SMAD6: variants seen among roughly 807,000 people sequenced by gnomAD.
SMAD6 encodes the protein MAD homolog 6.
In SMAD6, 103 loss-of-function variants were observed where a neutral mutation model predicts 39.4. The observed-to-expected ratio is 2.62, with a 90% confidence interval of 2.23 to 3.08. The LOEUF is 3.08. Among genes scored for constraint, SMAD6 ranks in the 30% most tolerant of loss-of-function variants. The pLI is 0.00. For synonymous variants in SMAD6, 445 were observed against 353.3 expected, an observed-to-expected ratio of 1.26 and a Z score of -2.91; for missense variants, 1,104 against 742.9, an observed-to-expected ratio of 1.49 and a Z score of -5.65.
At chr15:66,721,048 C>G (rs778011312) in intron 3 of SMAD6, among the ~76,000 whole-genome samples, 22 of 152,186 alleles carry the variant, frequency 1.4e-4, no homozygotes, top group Non-Finnish European at 2.8e-4. Context: ...CCTCCACCAA[C>G]CAGACTGTAA....
rs78097996 is a variant in SMAD6 at position 66,777,951 on chromosome 15, T to C, written c.953-3046T>C. On this transcript the variant is annotated intron_variant, in intron 3 of 3. Transcript: ENST00000288840. ...AGTCATAGGGTACCATAAGGTGTGC[T>C]GGGGCTAGGCTGGGGACATGGGTTT... 0.014 allele frequency among the ~76,000 whole-genome samples: 2,173 copies of C among 151,792 alleles called. 111 individuals are homozygous for C. The East Asian group carries it at 0.17, about 12-fold the overall frequency.
chr15:66,772,083 C>T (rs1236742102), intron 3 of SMAD6, among the ~76,000 whole-genome samples: 1 of 152,200 alleles, frequency 6.6e-6, no homozygotes, highest in Non-Finnish European at 1.5e-5. Flanking sequence ...AGAACCCCCA[C>T]GTGGCTTGGA....
At chr15:66,750,113 G>C (rs1567107164) in intron 3 of SMAD6, among the ~76,000 whole-genome samples, 1 of 152,090 alleles carries the variant, frequency 6.6e-6, no homozygotes, top group East Asian at 1.9e-4. Flanking sequence ...GGGGACGCAG[G>C]GGGCCTTCTT....
rs1259063187 is a variant in SMAD6, at chr15:66,702,989, AG to A, written c.-269del. ...AGCGCGGGGGCTGGAGTTGTTGAGCAGCCCCGCCGCTGTGGTCCATGTAGCC... is the reference window on the plus strand; with the variant it reads ...AGCGCGGGGGCTGGAGTTGTTGAGCACCCCGCCGCTGTGGTCCATGTAGCC... On this transcript the variant is annotated 5_prime_UTR_variant, in exon 1 of 4. Coordinates refer to ENST00000288840, the MANE Select transcript of SMAD6 (RefSeq NM_005585.5). The A allele has an allele frequency of 9.3e-6, 3 of 321,552 alleles. No individual in the cohort carries two copies. Among genetic ancestry groups the A allele is most frequent in the Non-Finnish European group, 1.7e-5 (3 of 173,450 alleles). 19.9% of individuals were successfully genotyped at this position (321,552 alleles called of 1,614,324 possible). A position where few individuals can be genotyped will look rare whatever the true frequency, so the allele number is the denominator to read the frequency against.
Position 66,747,487 on chromosome 15 carries a change from G to A in SMAD6, c.952+30989G>A, listed in dbSNP as rs1031413889. On this transcript the variant is annotated intron_variant, in intron 3 of 3. Transcript: ENST00000288840. The surrounding 1 kb of genome is among the most constrained non-coding windows in gnomAD (Gnocchi z 4.5). ...TCTCTTCTGGGTGTTCCCTCAGGGC[G>A]TTCAGGGGCTTCATGGTCAGGAGGC... Among the ~76,000 whole-genome samples the A allele has an allele frequency of 8.5e-5, 13 of 152,238 alleles. No homozygotes were observed. Among genetic ancestry groups the A allele is most frequent in the Non-Finnish European group, 1.8e-4 (12 of 68,028 alleles).
At chr15:66,710,090 A>G (rs1396652260) in intron 1 of SMAD6, among the ~76,000 whole-genome samples, 2 of 152,226 alleles carry the variant, frequency 1.3e-5, no homozygotes, top group Admixed American at 1.3e-4. Flanking sequence ...GAGCAGAGTC[A>G]GGCCTGGACT....
At chr15:66,748,543 C>T (rs1395242994) in intron 3 of SMAD6, among the ~76,000 whole-genome samples, 1 of 152,194 alleles carries the variant, frequency 6.6e-6, no homozygotes, top group Non-Finnish European at 1.5e-5. Context: ...AAGGAATGCA[C>T]AAACGTTTCA....
rs1048746693 is a variant in SMAD6, at chr15:66,746,907, A to G, written c.952+30409A>G. 2.0e-4 allele frequency among the ~76,000 whole-genome samples: 30 copies of G among 152,172 alleles called. 1 individual carries two copies. Among genetic ancestry groups the G allele is most frequent in the African/African-American group, 7.0e-4 (29 of 41,440 alleles). ...TCAAATCAGAGTTGACCATGGGGGA[A>G]TAATTGAATCCCCCAGAGTTGGGGG... On this transcript the variant is annotated intron_variant, in intron 3 of 3. Coordinates refer to ENST00000288840, the MANE Select transcript of SMAD6 (RefSeq NM_005585.5).
At chr15:66,704,893 CCTGGTGCTCAGGTG>C (rs1424910403) in intron 1 of SMAD6, 1 of 152,688 alleles carries the variant, frequency 6.5e-6, no homozygotes, top group Non-Finnish European at 1.5e-5. Flanking sequence ...CTGGCCAGGC[CCTGGTGCTCAGGTG>C]CAGACAGGCA....
At chr15:66,734,159 T>C (rs1257986200) in intron 3 of SMAD6, among the ~76,000 whole-genome samples, 2 of 152,148 alleles carry the variant, frequency 1.3e-5, no homozygotes, top group Non-Finnish European at 2.9e-5. Context: ...TTCCGGGAGC[T>C]CTGACCCTCA....
At chr15:66,756,070 TTGTC>T (rs1276642525) in intron 3 of SMAD6, among the ~76,000 whole-genome samples, 1 of 151,898 alleles carries the variant, frequency 6.6e-6, no homozygotes, top group East Asian at 1.9e-4. Flanking sequence ...AATGGTGACT[TTGTC>T]TGTGTGTTCA....
intron 3 of SMAD6, among the ~76,000 whole-genome samples, chr15:66,775,020 C>T (rs1028615343): frequency 9.2e-5 from 14 of 152,034 alleles, no homozygotes; most frequent in South Asian, 2.1e-4. Flanking sequence ...CCACCACACC[C>T]GGGTGATTTT....
At chr15:66,768,380 T>C (rs1894326304) in intron 3 of SMAD6, among the ~76,000 whole-genome samples, 1 of 152,190 alleles carries the variant, frequency 6.6e-6, no homozygotes, top group African/African-American at 2.4e-5. Context: ...AAGCTTACGT[T>C]TGAGAGCTTT....
intron 3 of SMAD6, among the ~76,000 whole-genome samples, chr15:66,769,728 T>G (rs1451402858): frequency 1.3e-5 from 2 of 152,086 alleles, no homozygotes; most frequent in African/African-American, 4.8e-5. Flanking sequence ...AGGCAGGAGG[T>G]TTGCCAATAA....
intron 3 of SMAD6, among the ~76,000 whole-genome samples, chr15:66,729,893 C>T (rs544379247): frequency 2.0e-5 from 3 of 152,106 alleles, no homozygotes; most frequent in Admixed American, 6.5e-5. Context: ...CTGCTCCAGA[C>T]GAGGGCCTGG....
At chr15:66,754,880 G>A (rs1417185129) in intron 3 of SMAD6, among the ~76,000 whole-genome samples, 1 of 152,152 alleles carries the variant, frequency 6.6e-6, no homozygotes, top group Non-Finnish European at 1.5e-5. Flanking sequence ...AGGGGAGGCT[G>A]TGTGGGCTGG....
chr15:66,737,693 G>A (rs11630260), intron 3 of SMAD6, among the ~76,000 whole-genome samples: 41,479 of 150,910 alleles, frequency 0.27, 6,320 homozygotes, highest in East Asian at 0.44. Context: ...GGTTTATAAC[G>A]ACTTTAGAGA....
intron 3 of SMAD6, among the ~76,000 whole-genome samples, chr15:66,746,147 C>T (rs368434219): frequency 1.3e-5 from 2 of 152,218 alleles, no homozygotes; most frequent in African/African-American, 4.8e-5. Flanking sequence ...GGAGCTTCCC[C>T]AAGCCCTCCG....
At position 66,781,981 on chromosome 15, in the gene SMAD6, G is replaced by T; in HGVS notation, c.*446G>T. 2 of 398,844 alleles carry T rather than the reference G, an allele frequency of 5.0e-6. No individual in the cohort carries two copies. The highest frequency in any genetic ancestry group is 3.6e-5 in the East Asian group (1 of 28,048). 24.7% of individuals were successfully genotyped at this position (398,844 alleles called of 1,614,324 possible). The stretch of plus-strand genomic sequence containing the variant: ...CCAGTCACTCGATAATAAAGTATTC[G>T]CATTATAGTTTTTTTTAAACTGTCT... On this transcript the variant is annotated 3_prime_UTR_variant, in exon 4 of 4. Coordinates refer to ENST00000288840, the MANE Select transcript of SMAD6 (RefSeq NM_005585.5).
Sources: gnomAD v4.1 joint callset for allele counts (sites outside exome capture counted in the v4.1 genomes callset) on GRCh38, gnomAD v4.1.1 for gene constraint, Gnocchi (gnomAD v3.1) non-coding constraint, MANE v1.5 for transcripts, NCBI Gene and HGNC (gene_info 2026-07-23, HGNC 2026-07-21) for gene names.